Variants in CASS4 observed in about 807,000 individuals in gnomAD.
The protein encoded by CASS4 is Cas scaffold protein family member 4, also known as cas scaffolding protein family member 4.
CASS4 carries 22 observed loss-of-function variants against 54.2 expected under a neutral mutation model. The observed-to-expected ratio is 0.41, with a 90% confidence interval of 0.29 to 0.58. The LOEUF (loss-of-function observed/expected upper bound fraction) is 0.58, where lower values mean the gene tolerates loss of function less well. Ranked by LOEUF, CASS4 falls within the 20% of genes least tolerant of loss-of-function variation. The pLI is 0.36. For synonymous variants in CASS4, 409 were observed against 391.5 expected (o/e 1.04, Z -0.53); for missense variants, 854 against 986.7 (o/e 0.87, Z 1.80).
chr20:56,445,020 G>A (rs1423696117), intron 2 of CASS4, among the ~76,000 whole-genome samples: 3 of 151,998 alleles, frequency 2.0e-5, no homozygotes, highest in Non-Finnish European at 4.4e-5. Context: ...TGAGGCAGGA[G>A]AATCGCTTGA....
At chr20:56,413,180 A>G (rs926485758) in intron 1 of CASS4, among the ~76,000 whole-genome samples, 30 of 151,832 alleles carry the variant, frequency 2.0e-4, no homozygotes, top group African/African-American at 4.6e-4. Context: ...TAAAAAAAAA[A>G]AAAAGAAAAG....
intron 1 of CASS4, among the ~76,000 whole-genome samples, chr20:56,427,397 T>C (rs1049981535): frequency 6.6e-6 from 1 of 151,880 alleles, no homozygotes; most frequent in African/African-American, 2.4e-5. Context: ...TTTTTTAACA[T>C]AATATCCTTT....
intron 2 of CASS4, among the ~76,000 whole-genome samples, chr20:56,444,916 G>A (rs978618540): frequency 7.9e-5 from 12 of 152,162 alleles, no homozygotes; most frequent in Non-Finnish European, 1.6e-4. Flanking sequence ...TTCAAGACCA[G>A]CCCGACCAAT....
intron 3 of CASS4, among the ~76,000 whole-genome samples, chr20:56,450,271 GC>G (rs1187994179): frequency 1.3e-5 from 2 of 152,176 alleles, no homozygotes; most frequent in Non-Finnish European, 2.9e-5. Flanking sequence ...TGATCCTCCT[GC>G]CTCAGCCTCC....
intron 1 of CASS4, among the ~76,000 whole-genome samples, chr20:56,417,152 C>T (rs757466529): frequency 4.6e-5 from 7 of 152,204 alleles, no homozygotes; most frequent in Non-Finnish European, 7.3e-5. Context: ...GGCAAGAAAG[C>T]CTGGTGAGGC....
Position 56,430,562 on chromosome 20 carries a change from C to T in CASS4, c.37-6602C>T, listed in dbSNP as rs935294769. Among the ~76,000 whole-genome samples the T allele has an allele frequency of 6.6e-6, 1 of 152,190 alleles. No individual in the cohort carries two copies. Among genetic ancestry groups the T allele is most frequent in the African/African-American group, 2.4e-5 (1 of 41,450 alleles). On this transcript the variant is annotated intron_variant, in intron 1 of 5. Transcript: ENST00000679887. The surrounding 1 kb of genome is among the most constrained non-coding windows in gnomAD (Gnocchi z 4.2). The stretch of plus-strand genomic sequence containing the variant: ...CAACCATTGCAATGGTTACTGGATG[C>T]CTTTGGAGTGGCCTGTCAACTGCTT...
intron 1 of CASS4, among the ~76,000 whole-genome samples, chr20:56,421,033 A>C (rs1433996765): frequency 6.6e-6 from 1 of 152,250 alleles, no homozygotes; most frequent in South Asian, 2.1e-4. Flanking sequence ...AGCACCTCTA[A>C]AAATGACCAT....
At chr20:56,456,642 T>C (rs1205461695) in intron 5 of CASS4, among the ~76,000 whole-genome samples, 1 of 152,120 alleles carries the variant, frequency 6.6e-6, no homozygotes, top group East Asian at 1.9e-4. Flanking sequence ...CCCAAAGTGC[T>C]GGGATTACAG....
upstream of CASS4, chr20:56,412,110 C>G: frequency 3.0e-6 from 1 of 336,158 alleles, no homozygotes; most frequent in Non-Finnish European, 5.6e-6. The surrounding 1 kb of genome is among the most constrained non-coding windows in gnomAD (Gnocchi z 4.2). Flanking sequence ...CCCTATAAAG[C>G]AGAAGAGTGG....
At chr20:56,458,195 T>C (rs895541179) in intron 5 of CASS4, 145 bp from the exon 6 acceptor site, 10 of 619,862 alleles carry the variant, frequency 1.6e-5, no homozygotes, top group Non-Finnish European at 2.8e-5. Flanking sequence ...GTTAGACAAC[T>C]GTTGCAGTAT....
At position 56,454,764 on chromosome 20, in the gene CASS4, G is replaced by A. The variant is rs147898883; in HGVS notation, c.1953+1635G>A. Among the ~76,000 whole-genome samples, 3 of 152,300 alleles carry A rather than the reference G, an allele frequency of 2.0e-5. No individual in the cohort carries two copies. The East Asian group carries it at 5.8e-4, about 29-fold the overall frequency. ...TAAGCTATAGCACTCACTCTCTAAA[G>A]CTTCTGATTCATACGCTCTATTGCT... On this transcript the variant is annotated intron_variant, in intron 5 of 5. Coordinates refer to ENST00000679887, the MANE Select transcript of CASS4 (RefSeq NM_020356.4).
Position 56,458,475 on chromosome 20 carries a change from A to T in CASS4, c.2089A>T (p.Ser697Cys), listed in dbSNP as rs774509625. The change falls in exon 6 of 6, where the codon AGC becomes TGC. Residue 697 changes from serine (S) to cysteine (C), a missense_variant. Coordinates refer to ENST00000679887, the MANE Select transcript of CASS4 (RefSeq NM_020356.4). ...CGCATTTCACGGCAGCCTCAGCAGC[A>T]GCCAGCCCGCGGAGATCATCACTCA... The part of the protein sequence containing the change: ...ISAFHGSLSS[S>C]QPAEIITQSK... 6.2e-7 allele frequency: 1 copy of T among 1,614,192 alleles called. No individual in the cohort carries two copies. Among genetic ancestry groups the T allele is most frequent in the Non-Finnish European group, 8.5e-7 (1 of 1,180,032 alleles).
intron 3 of CASS4, among the ~76,000 whole-genome samples, chr20:56,446,426 G>A (rs1304374669): frequency 6.6e-6 from 1 of 151,936 alleles, no homozygotes; most frequent in Non-Finnish European, 1.5e-5. Context: ...ATGTATGTGT[G>A]TACATACACA....
At position 56,434,739 on chromosome 20, in the gene CASS4, C is replaced by T. The variant is rs369392986; in HGVS notation, c.37-2425C>T. On this transcript the variant is annotated intron_variant, in intron 1 of 5. Coordinates refer to ENST00000679887, the MANE Select transcript of CASS4 (RefSeq NM_020356.4). The stretch of plus-strand genomic sequence containing the variant: ...GATTACAGACATGAGCCACTGTGCC[C>T]GGTCCCACAATTTATTTTTAAGTGG... Among the ~76,000 whole-genome samples the T allele has an allele frequency of 5.7e-4, 87 of 152,062 alleles. 1 individual carries two copies. The highest frequency in any genetic ancestry group is 3.7e-3 in the South Asian group (18 of 4,814).
In CASS4 at chr20:56,452,096, C is replaced by T. The variant is rs1284100465; in HGVS notation, c.920C>T (p.Pro307Leu). 6.2e-7 allele frequency: 1 copy of T among 1,614,210 alleles called. No individual in the cohort carries two copies. Residue 307 changes from proline (P) to leucine (L), a missense_variant, in exon 5 of 6, where the codon CCA (proline) becomes CTA (leucine). Coordinates refer to ENST00000679887, the MANE Select transcript of CASS4 (RefSeq NM_020356.4). ...NVPMQKKLSL[P>L]EIPSYGFLVP... ...CCCATGCAGAAAAAACTCAGCCTTC[C>T]AGAAATTCCTTCTTATGGCTTTCTT... is the stretch of plus-strand genomic sequence containing the variant.
chr20:56,454,674 A>G (rs1305034906), intron 5 of CASS4, among the ~76,000 whole-genome samples: 2 of 152,250 alleles, frequency 1.3e-5, no homozygotes, highest in African/African-American at 2.4e-5. Context: ...TGCCTAACTT[A>G]GAAGAGAAAG....
Position 56,455,133 on chromosome 20 carries a change from T to A in CASS4, c.1953+2004T>A, listed in dbSNP as rs199621598. ...TTTACACTTGATGTTCTTCCTTTTT[T>A]AAAAAAAAAAAAGTCAAAGATGTTA... On this transcript the variant is annotated intron_variant, in intron 5 of 5. Transcript: ENST00000679887. Among the ~76,000 whole-genome samples, 1,024 of 149,730 alleles carry A rather than the reference T, an allele frequency of 6.8e-3. 6 individuals are homozygous for A. The highest frequency in any genetic ancestry group is 9.2e-3 in the Non-Finnish European group (620 of 67,364).
In CASS4 at chr20:56,434,735, T is replaced by G. The variant is rs143531088; in HGVS notation, c.37-2429T>G. Among the ~76,000 whole-genome samples, 425 of 152,214 alleles carry G rather than the reference T, an allele frequency of 2.8e-3. 1 individual carries two copies. Among genetic ancestry groups the G allele is most frequent in the African/African-American group, 9.7e-3 (402 of 41,508 alleles). On this transcript the variant is annotated intron_variant, in intron 1 of 5. Transcript: ENST00000679887. ...CTGGGATTACAGACATGAGCCACTG[T>G]GCCCGGTCCCACAATTTATTTTTAA...
chr20:56,417,174 G>A (rs929465631), intron 1 of CASS4, among the ~76,000 whole-genome samples: 1 of 152,242 alleles, frequency 6.6e-6, no homozygotes, highest in African/African-American at 2.4e-5. Context: ...TCGTTTGTGA[G>A]TGGAGAGCAG....
Sources: gnomAD v4.1 joint callset for allele counts (sites outside exome capture counted in the v4.1 genomes callset) on GRCh38, gnomAD v4.1.1 for gene constraint, Gnocchi (gnomAD v3.1) non-coding constraint, MANE v1.5 for transcripts, NCBI Gene and HGNC (gene_info 2026-07-23, HGNC 2026-07-21) for gene names.